The following TRIM71 variants were observed in gnomAD, a reference collection of about 807,000 sequenced individuals.
The protein encoded by TRIM71 is E3 ubiquitin-protein ligase TRIM71.
A neutral mutation model predicts 61.2 loss-of-function variants in TRIM71; 9 were observed. The ratio of observed to expected loss-of-function variants is 0.15; its 90% CI spans 0.09 to 0.26. The LOEUF (loss-of-function observed/expected upper bound fraction) is 0.26. TRIM71 is among the 10% of genes least tolerant of loss of function. The probability of loss-of-function intolerance (pLI) is 1.00; values close to 1 mark genes in which losing one functional copy is unlikely to be tolerated. For synonymous variants in TRIM71, 645 were observed against 553.2 expected, an observed-to-expected ratio of 1.17 and a Z score of -2.33; for missense variants, 998 against 1,238.7, an observed-to-expected ratio of 0.81 and a Z score of 2.92.
At chr3:32,876,417 C>T (rs1009199547) in intron 2 of TRIM71, among the ~76,000 whole-genome samples, 1 of 152,148 alleles carries the variant, frequency 6.6e-6, no homozygotes, top group Non-Finnish European at 1.5e-5. Flanking sequence ...AACCCCGTCT[C>T]TACTAAAAAT....
rs201380758 is a variant in TRIM71, at chr3:32,873,800, A to G, written c.853-18A>G. 125 of 1,538,614 alleles carry G rather than the reference A, an allele frequency of 8.1e-5. No homozygotes were observed. Among genetic ancestry groups the G allele is most frequent in the Non-Finnish European group, 1.1e-4 (122 of 1,133,364 alleles). On this transcript the variant is annotated intron_variant, in intron 1 of 3. Coordinates refer to ENST00000383763, the MANE Select transcript of TRIM71 (RefSeq NM_001039111.3). ...GTCCTGCATCTCCATTTATGCCTGT[A>G]CCCTCTCTTGTCCCCAGGTGCTGCA...
intron 1 of TRIM71, among the ~76,000 whole-genome samples, chr3:32,834,054 A>G (rs1406904226): frequency 1.3e-5 from 2 of 152,228 alleles, no homozygotes; most frequent in African/African-American, 4.8e-5. Context: ...AAAACCACAT[A>G]GGTGCTGGAA....
chr3:32,842,336 C>G (rs1352740642), intron 1 of TRIM71, among the ~76,000 whole-genome samples: 1 of 152,192 alleles, frequency 6.6e-6, no homozygotes, highest in Admixed American at 6.5e-5. Context: ...CCTTTCATGA[C>G]TCAAGCTTGC....
rs1265395809 is a variant in TRIM71 at position 32,818,592 on chromosome 3, C to A, written c.512C>A (p.Pro171Gln). ...TCCGCGCCGCCACTCCCGCAGGCGC[C>A]GCAGCCGCCCGCGCCTTCCCGCTCG... Reference protein sequence around the residue: ...SASAPPLPQAPQPPAPSRSAP... With the variant: ...SASAPPLPQAQQPPAPSRSAP... The change falls in exon 1 of 4, where the codon CCG (proline) becomes CAG (glutamine). Residue 171 changes from proline (P) to glutamine (Q), a missense_variant. Pro to Gln is a moderately conservative substitution (Grantham distance 76). Coordinates refer to ENST00000383763, the MANE Select transcript of TRIM71 (RefSeq NM_001039111.3). The A allele has an allele frequency of 2.3e-6, 3 of 1,323,880 alleles. No homozygotes were observed. The highest frequency in any genetic ancestry group is 3.9e-5 in the Admixed American group (1 of 25,396). The allele number at this position is 1,323,880 out of a possible 1,614,324, so 82.0% of individuals were successfully genotyped here.
At chr3:32,864,869 TG>T (rs1161229169) in intron 1 of TRIM71, among the ~76,000 whole-genome samples, 2 of 147,584 alleles carry the variant, frequency 1.4e-5, no homozygotes, top group Non-Finnish European at 3.0e-5. Flanking sequence ...TGTGTGTGTG[TG>T]TGTGTGTGTG....
chr3:32,879,132 G>A (rs1696880467), intron 2 of TRIM71, among the ~76,000 whole-genome samples: 1 of 152,192 alleles, frequency 6.6e-6, no homozygotes. Context: ...AACTTCTGCA[G>A]CTTCCTCATC....
At chr3:32,819,301 C>T (rs1034185046) in intron 1 of TRIM71, among the ~76,000 whole-genome samples, 11 of 152,144 alleles carry the variant, frequency 7.2e-5, no homozygotes, top group Non-Finnish European at 1.6e-4. Context: ...CACCAGAGGC[C>T]TCCCAACGTG....
At chr3:32,847,344 G>A (rs1203285030) in intron 1 of TRIM71, among the ~76,000 whole-genome samples, 1 of 152,006 alleles carries the variant, frequency 6.6e-6, no homozygotes, top group Non-Finnish European at 1.5e-5. Context: ...TTACAGGCAC[G>A]TGCCACCATG....
intron 1 of TRIM71, among the ~76,000 whole-genome samples, chr3:32,844,437 C>G (rs1696447652): frequency 6.6e-6 from 1 of 152,188 alleles, no homozygotes; most frequent in African/African-American, 2.4e-5. Flanking sequence ...CGGCCTGTCA[C>G]TCAGGCTAGA....
In TRIM71 at chr3:32,818,353, C is replaced by T. The variant is rs747507667; in HGVS notation, c.273C>T (p.Cys91=). 19 of 1,476,716 alleles carry T rather than the reference C, an allele frequency of 1.3e-5. No homozygotes were observed. The East Asian group carries it at 2.1e-4, about 16-fold the overall frequency. The allele number at this position is 1,476,716 out of a possible 1,614,324, so 91.5% of individuals were successfully genotyped here. A position where few individuals can be genotyped will look rare whatever the true frequency, so the allele number is the denominator to read the frequency against. ...CGGGAGAGCCGCTCAAGCTGCGCTG[C>T]CCCGTGTGCGACCAGAAAGTAGTGC... ...GAAGEPLKLR[C]PVCDQKVVLA... is the part of the protein sequence containing the mutation. The change falls in exon 1 of 4, where the codon TGC becomes TGT. Residue 91 remains cysteine (C), a synonymous_variant. Coordinates refer to ENST00000383763, the MANE Select transcript of TRIM71 (RefSeq NM_001039111.3).
rs1232356566 is a variant in TRIM71, at chr3:32,897,681, G to A, written c.*5870G>A. On this transcript the variant is annotated 3_prime_UTR_variant, in exon 4 of 4. Transcript: ENST00000383763. ...TGAATGTATCACTGTGGTCCACAGA[G>A]AAGGCTGGAGGAGGTAGCAAGGAGA... 1 of 152,256 alleles carries A rather than the reference G, an allele frequency of 6.6e-6. No homozygotes were observed. The highest frequency in any genetic ancestry group is 2.4e-5 in the African/African-American group (1 of 41,468). The allele number at this position is 152,256 out of a possible 1,614,324, so 9.4% of individuals were successfully genotyped here.
At chr3:32,827,588 T>C (rs993746723) in intron 1 of TRIM71, among the ~76,000 whole-genome samples, 1 of 152,176 alleles carries the variant, frequency 6.6e-6, no homozygotes, top group Admixed American at 6.5e-5. Flanking sequence ...ATTGTGATCA[T>C]TTATCTATAA....
intron 1 of TRIM71, among the ~76,000 whole-genome samples, chr3:32,832,094 T>C (rs569833848): frequency 6.6e-5 from 10 of 152,026 alleles, no homozygotes; most frequent in East Asian, 2.0e-4. Context: ...AAAAGGTGAA[T>C]TGTGGTGGGG....
intron 3 of TRIM71, 139 bp downstream of exon 3, chr3:32,886,207 A>G (rs559562774): frequency 5.8e-6 from 7 of 1,212,592 alleles, no homozygotes; most frequent in Admixed American, 3.4e-5. Flanking sequence ...AAAGCCTGTT[A>G]GCAGAAAGAT....
At chr3:32,823,612 G>C (rs1696164516) in intron 1 of TRIM71, among the ~76,000 whole-genome samples, 1 of 148,048 alleles carries the variant, frequency 6.8e-6, no homozygotes, top group Admixed American at 6.6e-5. Context: ...TTTGACAACG[G>C]TATTTGTTCT....
At chr3:32,837,876 A>T (rs537862527) in intron 1 of TRIM71, among the ~76,000 whole-genome samples, 2 of 152,174 alleles carry the variant, frequency 1.3e-5, no homozygotes, top group East Asian at 3.9e-4. Flanking sequence ...CCCAGATTCT[A>T]TCTCTTCTGT....
Position 32,818,806 on chromosome 3 carries a change from G to C in TRIM71, c.726G>C (p.Pro242=), listed in dbSNP as rs772960414. The C allele has an allele frequency of 6.2e-7, 1 of 1,608,698 alleles. No homozygotes were observed. Among genetic ancestry groups the C allele is most frequent in the South Asian group, 1.1e-5 (1 of 90,860 alleles). ...LTKDHYIERG[P]PGPGAAAAAQ... is the part of the protein sequence containing the mutation. ...AGGACCACTACATCGAGCGCGGCCC[G>C]CCGGGTCCCGGTGCCGCAGCAGCGG... Residue 242 remains proline, a synonymous_variant, in exon 1 of 4, where the codon CCG becomes CCC. Transcript: ENST00000383763.
intron 2 of TRIM71, among the ~76,000 whole-genome samples, chr3:32,876,946 T>C (rs1696857605): frequency 6.6e-6 from 1 of 152,248 alleles, no homozygotes; most frequent in Middle Eastern, 3.4e-3. Context: ...CCTAGAGGTA[T>C]GATTCAAATG....
At position 32,819,077 on chromosome 3, in the gene TRIM71, A is replaced by G. The variant is rs958742393; in HGVS notation, c.852+145A>G. On this transcript the variant is annotated intron_variant, in intron 1 of 3. Coordinates refer to ENST00000383763, the MANE Select transcript of TRIM71 (RefSeq NM_001039111.3). ...CTTTGGCTACGTGGCAGTCCTTGCT[A>G]CCAAAGTAGATCATGACCTGGGAAG... The G allele has an allele frequency of 2.6e-5, 23 of 894,840 alleles. No individual in the cohort carries two copies. The Admixed American group carries it at 4.0e-4, about 15-fold the overall frequency. The allele number at this position is 894,840 out of a possible 1,614,324, so 55.4% of individuals were successfully genotyped here. A position where few individuals can be genotyped will look rare whatever the true frequency, so the allele number is the denominator to read the frequency against.
Sources: allele counts gnomAD v4.1 joint callset (sites outside exome capture counted in the v4.1 genomes callset), GRCh38; gene constraint gnomAD v4.1.1; transcripts MANE v1.5; gene names NCBI Gene and HGNC (gene_info 2026-07-23, HGNC 2026-07-21).